CDK12: variants seen among roughly 807,000 people sequenced by gnomAD.
CDK12 encodes cyclin dependent kinase 12, also known as cyclin-dependent kinase 12.
CDK12 carries 17 observed loss-of-function variants against 133.8 expected under a neutral mutation model. The ratio of observed to expected loss-of-function variants is 0.13; its 90% confidence interval spans 0.09 to 0.19. The LOEUF (loss-of-function observed/expected upper bound fraction) is 0.19, where lower values mean the gene tolerates loss of function less well. Ranked by LOEUF, CDK12 falls within the 10% of genes least tolerant of loss-of-function variation. CDK12 has a pLI of 1.00. For synonymous variants in CDK12, 694 were observed against 683.6 expected (o/e 1.02, Z -0.24); for missense variants, 1,508 against 1,818.7 (o/e 0.83, Z 3.11).
rs2049013924 is a variant in CDK12, at chr17:39,462,316, CCTT to C, written c.248_250del (p.Phe83del). 3 of 1,614,062 alleles carry C rather than the reference CCTT, an allele frequency of 1.9e-6. No homozygotes were observed. Among genetic ancestry groups the C allele is most frequent in the Non-Finnish European group, 2.5e-6 (3 of 1,180,050 alleles). ...GATGATATCAGCTCTGATTCCGACA[CCTT>C]CTCCGATGACATGGCCTTCAAACTA... On this transcript the variant is annotated inframe_deletion, in exon 1 of 14. Transcript: ENST00000447079.
Position 39,530,617 on chromosome 17 carries a change from C to A in CDK12, c.3774C>A (p.His1258Gln), listed in dbSNP as rs2054773596. Reference protein sequence around the residue: ...PQEEAAACPPHILPPEKRPPE... With the variant: ...PQEEAAACPPQILPPEKRPPE... ...ACCCTTCCACAGCATGTCCTCCTCA[C>A]ATTCTTCCACCAGAGAAGAGGCCCC... The change falls in exon 14 of 14, where the codon CAC becomes CAA. Residue 1258 changes from histidine (H) to glutamine (Q), a missense_variant. His to Gln is a conservative substitution (Grantham distance 24, BLOSUM62 0). Around this residue, in one of 9 missense-constraint regions of CDK12, gnomAD observed 399 missense variants for 469.6 expected, o/e 0.85. Coordinates refer to ENST00000447079, the MANE Select transcript of CDK12 (RefSeq NM_016507.4). 6.3e-7 allele frequency: 1 copy of A among 1,595,774 alleles called. No individual in the cohort carries two copies. The highest frequency in any genetic ancestry group is 8.5e-7 in the Non-Finnish European group (1 of 1,169,964).
At chr17:39,515,299 T>C (rs968777839) in intron 8 of CDK12, among the ~76,000 whole-genome samples, 1 of 152,208 alleles carries the variant, frequency 6.6e-6, no homozygotes, top group Admixed American at 6.5e-5. Context: ...AAGGCTATAG[T>C]ATAGTGCATC....
intron 9 of CDK12, among the ~76,000 whole-genome samples, chr17:39,516,995 A>G (rs1413509002): frequency 6.6e-6 from 1 of 152,052 alleles, no homozygotes; most frequent in Non-Finnish European, 1.5e-5. Context: ...GATAAAGGTG[A>G]TATTTTTGTT....
chr17:39,491,531 C>T (rs781010737), intron 3 of CDK12, among the ~76,000 whole-genome samples: 31 of 152,072 alleles, frequency 2.0e-4, no homozygotes, highest in Admixed American at 5.3e-4. Context: ...CCACCGCGTC[C>T]GGCCTTATAT....
Position 39,486,340 on chromosome 17 carries a change from C to T in CDK12, c.1932-4217C>T, listed in dbSNP as rs558381001. The stretch of plus-strand genomic sequence containing the variant: ...GCAGTGGCACAATCATGGCTCACTG[C>T]AACCTTGGCCTCCTTCCCTGGCTCA... On this transcript the variant is annotated intron_variant, in intron 2 of 13. Coordinates refer to ENST00000447079, the MANE Select transcript of CDK12 (RefSeq NM_016507.4). Among the ~76,000 whole-genome samples the T allele has an allele frequency of 3.4e-5, 5 of 148,024 alleles. No individual in the cohort carries two copies. The South Asian group carries it at 1.1e-3, about 33-fold the overall frequency.
chr17:39,503,845 G>A (rs547606381), intron 6 of CDK12, among the ~76,000 whole-genome samples: 1 of 152,208 alleles, frequency 6.6e-6, no homozygotes. Flanking sequence ...TGGCAAGAGA[G>A]AGAGAAGAGC....
intron 1 of CDK12, among the ~76,000 whole-genome samples, chr17:39,464,510 A>G (rs2049159157): frequency 6.6e-6 from 1 of 150,980 alleles, no homozygotes; most frequent in Non-Finnish European, 1.5e-5. Flanking sequence ...GATTACAGGC[A>G]TGAGCCACCA....
At chr17:39,521,179 C>T (rs1337758174) in intron 11 of CDK12, among the ~76,000 whole-genome samples, 3 of 151,982 alleles carry the variant, frequency 2.0e-5, no homozygotes, top group Non-Finnish European at 4.4e-5. Context: ...TGGGGTTTCA[C>T]CATGTTGGCC....
chr17:39,506,277 G>A (rs996143033), intron 6 of CDK12, among the ~76,000 whole-genome samples: 7 of 146,796 alleles, frequency 4.8e-5, no homozygotes, highest in East Asian at 2.0e-4. Context: ...ATGTAGTGGC[G>A]CTATCTCGGC....
chr17:39,522,954 G>T (rs912688440), intron 11 of CDK12, among the ~76,000 whole-genome samples: 1 of 152,030 alleles, frequency 6.6e-6, no homozygotes, highest in African/African-American at 2.4e-5. Context: ...TCAGGAGGCT[G>T]AGGGAGGAGA....
chr17:39,468,529 G>A (rs749943051), intron 1 of CDK12, among the ~76,000 whole-genome samples: 1 of 152,016 alleles, frequency 6.6e-6, no homozygotes, highest in Admixed American at 6.6e-5. Context: ...AGGCTGGAGT[G>A]CATTGGCACA....
intron 7 of CDK12, among the ~76,000 whole-genome samples, chr17:39,510,647 C>T (rs1186825555): frequency 1.3e-5 from 2 of 149,268 alleles, no homozygotes; most frequent in African/African-American, 2.5e-5. Context: ...GAGATTTGCT[C>T]TTGTTGCCCA....
intron 2 of CDK12, among the ~76,000 whole-genome samples, chr17:39,480,121 A>T: frequency 6.6e-6 from 1 of 151,396 alleles, no homozygotes; most frequent in East Asian, 1.9e-4. Context: ...ACGGGGTTTT[A>T]CCATCTTTCC....
chr17:39,542,824 C>G (rs2055493903), upstream of CDK12, among the ~76,000 whole-genome samples: 1 of 152,170 alleles, frequency 6.6e-6, no homozygotes, highest in Non-Finnish European at 1.5e-5. Flanking sequence ...AATAATCTTT[C>G]AATGACATGC....
Position 39,476,711 on chromosome 17 carries a change from C to CTTTTTTTTT in CDK12, c.1931+4969_1931+4977dup, listed in dbSNP as rs879840168. 1.3e-3 allele frequency among the ~76,000 whole-genome samples: 106 copies of CTTTTTTTTT among 84,462 alleles called. 12 individuals carry two copies. The highest frequency in any genetic ancestry group is 4.1e-3 in the African/African-American group (72 of 17,540). 55.4% of individuals were successfully genotyped at this position (84,462 alleles called of 152,430 possible). ...TACAGGCATGAGCCACCATGCCTGCCTTTTTTTTTTTTTTTTTTTTTTTTT... is the reference window on the plus strand; with the variant it reads ...TACAGGCATGAGCCACCATGCCTGCCTTTTTTTTTTTTTTTTTTTTTTTTTTTTTTTTTT... On this transcript the variant is annotated intron_variant, in intron 2 of 13. Transcript: ENST00000447079.
At chr17:39,469,600 A>G (rs1344847749) in intron 1 of CDK12, among the ~76,000 whole-genome samples, 1 of 149,444 alleles carries the variant, frequency 6.7e-6, no homozygotes, top group South Asian at 2.1e-4. Flanking sequence ...TAACTTCCTG[A>G]TGGATATAAC....
upstream of CDK12, among the ~76,000 whole-genome samples, chr17:39,547,011 T>C (rs540606568): frequency 2.0e-4 from 30 of 152,116 alleles, no homozygotes; most frequent in African/African-American, 5.5e-4. Context: ...AAACAGATGG[T>C]ATTTGGTACT....
At chr17:39,504,258 A>G (rs1466246338) in intron 6 of CDK12, among the ~76,000 whole-genome samples, 2 of 152,204 alleles carry the variant, frequency 1.3e-5, no homozygotes, top group Non-Finnish European at 2.9e-5. Flanking sequence ...TTAATAGCAT[A>G]TGGTCATTTG....
intron 2 of CDK12, among the ~76,000 whole-genome samples, chr17:39,484,096 G>A (rs916785487): frequency 2.6e-5 from 4 of 152,072 alleles, no homozygotes; most frequent in African/African-American, 9.7e-5. Flanking sequence ...TGCCTACCTC[G>A]GCATTCCAAA....
Sources: allele counts gnomAD v4.1 joint callset (sites outside exome capture counted in the v4.1 genomes callset), GRCh38; gene constraint gnomAD v4.1.1; regional missense constraint gnomAD v4.1.1; transcripts MANE v1.5; gene names NCBI Gene and HGNC (gene_info 2026-07-23, HGNC 2026-07-21).